CDH13: variants seen among roughly 807,000 people sequenced by gnomAD.
CDH13 encodes cadherin 13.
In CDH13, 24 loss-of-function variants were observed where a neutral mutation model predicts 63.8. The ratio of observed to expected loss-of-function variants is 0.38; its 90% CI spans 0.27 to 0.53. The LOEUF (loss-of-function observed/expected upper bound fraction) is 0.53, where lower values mean the gene tolerates loss of function less well. CDH13 is among the 20% of genes least tolerant of loss of function. The pLI is 0.85. For missense variants in CDH13, 1,049 were observed against 903.1 expected, an observed-to-expected ratio of 1.16 and a Z score of -2.07; for synonymous variants, 503 against 355.3, an observed-to-expected ratio of 1.42 and a Z score of -4.67.
At chr16:83,245,345 C>T (rs1208123530) in intron 5 of CDH13, among the ~76,000 whole-genome samples, 2 of 152,180 alleles carry the variant, frequency 1.3e-5, no homozygotes, top group Non-Finnish European at 2.9e-5. Flanking sequence ...CTGAGAAAAT[C>T]CATAGCAGGA....
intron 1 of CDH13, among the ~76,000 whole-genome samples, chr16:82,820,554 T>C (rs1304847897): frequency 2.0e-5 from 3 of 152,168 alleles, no homozygotes; most frequent in Non-Finnish European, 4.4e-5. Context: ...CTGCAGTTAT[T>C]TTTAGAGCCC....
chr16:83,231,852 G>A (rs1184274343), intron 5 of CDH13, among the ~76,000 whole-genome samples: 1 of 152,142 alleles, frequency 6.6e-6, no homozygotes, highest in Non-Finnish European at 1.5e-5. Context: ...GGAGGTGATT[G>A]AATCATGGGG....
intron 4 of CDH13, among the ~76,000 whole-genome samples, chr16:83,186,240 G>A (rs561175126): frequency 6.6e-6 from 1 of 151,904 alleles, no homozygotes; most frequent in Non-Finnish European, 1.5e-5. Flanking sequence ...CTGGGTTCAA[G>A]CAATTCTCCC....
intron 7 of CDH13, among the ~76,000 whole-genome samples, chr16:83,594,727 T>C (rs79337107): frequency 6.6e-6 from 1 of 152,150 alleles, no homozygotes. Context: ...TTGTTGATTT[T>C]CCCCCCACAG....
At chr16:83,036,671 C>G (rs1203406309) in intron 3 of CDH13, among the ~76,000 whole-genome samples, 1 of 152,148 alleles carries the variant, frequency 6.6e-6, no homozygotes, top group African/African-American at 2.4e-5. Flanking sequence ...AATTCTGACC[C>G]TTGATATCTG....
At chr16:82,960,808 T>C (rs960696175) in intron 2 of CDH13, among the ~76,000 whole-genome samples, 8 of 152,202 alleles carry the variant, frequency 5.3e-5, no homozygotes, top group African/African-American at 1.9e-4. Context: ...GTCGTAATTT[T>C]TTTTAATCTT....
chr16:82,668,604 T>A (rs559360319), intron 1 of CDH13, among the ~76,000 whole-genome samples: 1 of 152,202 alleles, frequency 6.6e-6, no homozygotes, highest in Non-Finnish European at 1.5e-5. Context: ...GATAAGAGTT[T>A]GAGGCCCTGT....
chr16:83,132,488 A>G (rs2036101393), intron 4 of CDH13, among the ~76,000 whole-genome samples: 1 of 110,882 alleles, frequency 9.0e-6, no homozygotes. Context: ...TTTCTCTGTC[A>G]CCAGGCTGGA....
rs115097959 is a variant in CDH13, at chr16:83,070,527, G to A, written c.366+38309G>A. On this transcript the variant is annotated intron_variant, in intron 3 of 13. Transcript: ENST00000567109. Reference sequence around the variant, plus strand: ...GTTTCCATTCTTTTTAATAGCCTTGGTGCAGTATTAAAAAAACTATCTTGG... The same window carrying A: ...GTTTCCATTCTTTTTAATAGCCTTGATGCAGTATTAAAAAAACTATCTTGG... Among the ~76,000 whole-genome samples, 473 of 152,052 alleles carry A rather than the reference G, an allele frequency of 3.1e-3. 1 individual carries two copies. The highest frequency in any genetic ancestry group is 0.011 in the African/African-American group (452 of 41,458).
intron 4 of CDH13, among the ~76,000 whole-genome samples, chr16:83,200,564 A>G (rs1228313566): frequency 6.6e-6 from 1 of 152,192 alleles, no homozygotes; most frequent in African/African-American, 2.4e-5. Context: ...AGAATTCACC[A>G]CACAACATGA....
chr16:83,040,848 G>T (rs552430760), intron 3 of CDH13, among the ~76,000 whole-genome samples: 1 of 152,254 alleles, frequency 6.6e-6, no homozygotes, highest in African/African-American at 2.4e-5. Flanking sequence ...GTTAAATCCA[G>T]ACCTATGATA....
At chr16:82,689,298 A>G (rs1347789917) in intron 1 of CDH13, among the ~76,000 whole-genome samples, 1 of 152,136 alleles carries the variant, frequency 6.6e-6, no homozygotes, top group East Asian at 1.9e-4. Flanking sequence ...CTCAGCAGGT[A>G]TGAATCACTG....
intron 1 of CDH13, among the ~76,000 whole-genome samples, chr16:82,742,168 C>T (rs774397719): frequency 6.6e-6 from 1 of 152,176 alleles, no homozygotes; most frequent in South Asian, 2.1e-4. Flanking sequence ...AAATTAAGAG[C>T]ACAAGAAATG....
In CDH13 at chr16:83,744,996, G is replaced by A. The variant is rs1406393425; in HGVS notation, c.1539-3112G>A. Among the ~76,000 whole-genome samples, 4 of 152,172 alleles carry A rather than the reference G, an allele frequency of 2.6e-5. No homozygotes were observed. In the East Asian group the frequency reaches 7.7e-4, roughly 29 times the overall value. Reference sequence around the variant, plus strand: ...CCAACCATGCCCCATATTAGCCAATGATCTTGGCAAAGTTCACATATCTCT... The same window carrying A: ...CCAACCATGCCCCATATTAGCCAATAATCTTGGCAAAGTTCACATATCTCT... On this transcript the variant is annotated intron_variant, in intron 10 of 13. Coordinates refer to ENST00000567109, the MANE Select transcript of CDH13 (RefSeq NM_001257.5).
intron 2 of CDH13, among the ~76,000 whole-genome samples, chr16:82,892,004 G>A (rs751834530): frequency 3.3e-5 from 5 of 152,168 alleles, no homozygotes; most frequent in Non-Finnish European, 5.9e-5. Context: ...GGGGCTGCAT[G>A]AGGTTGAAAG....
intron 1 of CDH13, among the ~76,000 whole-genome samples, chr16:82,756,387 C>G (rs2034612135): frequency 6.6e-6 from 1 of 152,040 alleles, no homozygotes; most frequent in South Asian, 2.1e-4. Context: ...TAATAATAGC[C>G]ACCATTTGTG....
chr16:83,567,585 C>T lies in CDH13; in HGVS notation c.961-34869C>T, dbSNP rs186420651. 3.0e-3 allele frequency among the ~76,000 whole-genome samples: 462 copies of T among 152,130 alleles called. 3 individuals carry two copies. Among genetic ancestry groups the T allele is most frequent in the African/African-American group, 0.011 (442 of 41,514 alleles). On this transcript the variant is annotated intron_variant, in intron 7 of 13. Coordinates refer to ENST00000567109, the MANE Select transcript of CDH13 (RefSeq NM_001257.5). Reference sequence around the variant, plus strand: ...CTAGACAAGTTTTTTCTTTGTTCGTCTGTTGTTTTTTGTTTTTGTTTTTGT... The same window carrying T: ...CTAGACAAGTTTTTTCTTTGTTCGTTTGTTGTTTTTTGTTTTTGTTTTTGT...
intron 2 of CDH13, among the ~76,000 whole-genome samples, chr16:82,990,556 T>TG (rs1316548855): frequency 6.6e-6 from 1 of 151,248 alleles, no homozygotes; most frequent in African/African-American, 2.4e-5. Flanking sequence ...GGTTTTTTTT[T>TG]TTTTTTTAGA....
At chr16:82,916,288 G>A (rs2041986463) in intron 2 of CDH13, among the ~76,000 whole-genome samples, 1 of 152,150 alleles carries the variant, frequency 6.6e-6, no homozygotes, top group Non-Finnish European at 1.5e-5. Context: ...ATAAAAGGAA[G>A]ACCCTGGCCG....
Sources: allele counts gnomAD v4.1 joint callset (sites outside exome capture counted in the v4.1 genomes callset), GRCh38; gene constraint gnomAD v4.1.1; transcripts MANE v1.5; gene names NCBI Gene and HGNC (gene_info 2026-07-23, HGNC 2026-07-21).